The following ATP8A2 variants were observed in gnomAD, a reference collection of about 807,000 sequenced individuals.
ATP8A2 encodes the protein phospholipid-transporting ATPase IB.
In ATP8A2, 100 loss-of-function variants were observed where a neutral mutation model predicts 165.6. The observed-to-expected ratio is 0.60, with a 90% CI of 0.51 to 0.71. The LOEUF (loss-of-function observed/expected upper bound fraction) is 0.71. ATP8A2 is among the 30% of genes least tolerant of loss of function. The pLI, the probability that ATP8A2 is intolerant of heterozygous loss-of-function variation, is 0.00. For missense variants in ATP8A2, 1,227 were observed against 1,479.5 expected, an observed-to-expected ratio of 0.83 and a Z score of 2.80; for synonymous variants, 543 against 548.8, an observed-to-expected ratio of 0.99 and a Z score of 0.15.
intron 24 of ATP8A2, among the ~76,000 whole-genome samples, chr13:25,590,754 G>A (rs1565958753): frequency 6.6e-6 from 1 of 152,146 alleles, no homozygotes; most frequent in African/African-American, 2.4e-5. Context: ...TTAAAGGGAG[G>A]CAATAAAGTA....
At chr13:25,498,215 A>G (rs1401696267) in intron 2 of ATP8A2, among the ~76,000 whole-genome samples, 3 of 152,202 alleles carry the variant, frequency 2.0e-5, no homozygotes, top group African/African-American at 7.2e-5. Flanking sequence ...TGAATGGTGC[A>G]TATTTGTGAG....
intron 25 of ATP8A2, among the ~76,000 whole-genome samples, chr13:25,726,114 A>G (rs1486653594): frequency 3.3e-5 from 5 of 152,194 alleles, no homozygotes; most frequent in Admixed American, 1.3e-4. Flanking sequence ...GGTGTTTATT[A>G]TTTAAAGAAA....
At chr13:26,016,677 C>T (rs1264962777) in intron 36 of ATP8A2, among the ~76,000 whole-genome samples, 5 of 152,050 alleles carry the variant, frequency 3.3e-5, no homozygotes, top group Non-Finnish European at 7.4e-5. Context: ...AAAAGCAGGC[C>T]AAAAGAGGTA....
intron 35 of ATP8A2, among the ~76,000 whole-genome samples, chr13:25,996,098 T>C (rs995769695): frequency 1.3e-5 from 2 of 152,170 alleles, no homozygotes; most frequent in African/African-American, 4.8e-5. Flanking sequence ...GTTACTTAGG[T>C]TTTATTTTGA....
At chr13:25,554,844 G>A (rs112276186) in intron 12 of ATP8A2, 147 bp from the exon 13 acceptor site, 65,570 of 493,276 alleles carry the variant, frequency 0.13, 5,367 homozygotes, top group Non-Finnish European at 0.18. Flanking sequence ...ACAGGCATGA[G>A]CCACTGCGCC....
At chr13:25,531,280 GTT>G (rs1320472834) in intron 4 of ATP8A2, among the ~76,000 whole-genome samples, 95 of 36,142 alleles carry the variant, frequency 2.6e-3, no homozygotes, top group African/African-American at 5.9e-3. Context: ...TGATATATAT[GTT>G]ATATATGATA....
intron 1 of ATP8A2, among the ~76,000 whole-genome samples, chr13:25,428,371 T>C (rs17082276): frequency 0.024 from 3,619 of 152,298 alleles, 148 homozygotes; most frequent in African/African-American, 0.082. Flanking sequence ...TAACTTGTTC[T>C]TTCAGTAAAT....
intron 2 of ATP8A2, among the ~76,000 whole-genome samples, chr13:25,474,395 A>G (rs933374186): frequency 1.3e-5 from 2 of 152,042 alleles, no homozygotes; most frequent in Non-Finnish European, 2.9e-5. Flanking sequence ...CCCCGTCTCT[A>G]CTAAAAATAC....
intron 33 of ATP8A2, among the ~76,000 whole-genome samples, chr13:25,936,364 G>A (rs1954890001): frequency 6.6e-6 from 1 of 152,238 alleles, no homozygotes; most frequent in African/African-American, 2.4e-5. Flanking sequence ...ATGGGCCTGA[G>A]TGTCTGCGGA....
chr13:25,965,108 G>A (rs1442583799), intron 34 of ATP8A2, among the ~76,000 whole-genome samples: 2 of 152,132 alleles, frequency 1.3e-5, no homozygotes, highest in Non-Finnish European at 2.9e-5. Context: ...GCAGTGAGCC[G>A]AGATCGCACC....
At chr13:25,515,719 C>T (rs1009568112) in intron 2 of ATP8A2, among the ~76,000 whole-genome samples, 3 of 152,184 alleles carry the variant, frequency 2.0e-5, no homozygotes, top group Non-Finnish European at 4.4e-5. Flanking sequence ...TTCCATTTTA[C>T]AATTGTCAGT....
intron 24 of ATP8A2, among the ~76,000 whole-genome samples, chr13:25,671,308 A>G (rs1474362562): frequency 6.6e-6 from 1 of 152,154 alleles, no homozygotes; most frequent in Non-Finnish European, 1.5e-5. Context: ...TAACTGTACA[A>G]ATTGTACAGC....
intron 1 of ATP8A2, among the ~76,000 whole-genome samples, chr13:25,404,546 G>A (rs117898652): frequency 0.014 from 2,164 of 152,150 alleles, 44 homozygotes; most frequent in Non-Finnish European, 0.014. Context: ...GAACACCCAG[G>A]GGAGTGGCAG....
intron 25 of ATP8A2, among the ~76,000 whole-genome samples, chr13:25,710,226 G>A (rs1437195169): frequency 6.6e-6 from 1 of 152,066 alleles, no homozygotes; most frequent in Non-Finnish European, 1.5e-5. Flanking sequence ...CAGGGTAATT[G>A]GGGTGTTATC....
At chr13:25,858,469 G>A (rs1196197340) in intron 30 of ATP8A2, among the ~76,000 whole-genome samples, 3 of 152,170 alleles carry the variant, frequency 2.0e-5, no homozygotes, top group African/African-American at 4.8e-5. Context: ...TGCAGCCCGT[G>A]ATGTTGCTTT....
At chr13:25,404,863 G>A (rs1261485370) in intron 1 of ATP8A2, among the ~76,000 whole-genome samples, 1 of 152,104 alleles carries the variant, frequency 6.6e-6, no homozygotes, top group African/African-American at 2.4e-5. Context: ...AGTGATGGAA[G>A]AGTAGCCCTG....
chr13:25,977,035 A>ACCCCCCCCCCCC (rs1956061270), intron 35 of ATP8A2, among the ~76,000 whole-genome samples: 1 of 61,144 alleles, frequency 1.6e-5, no homozygotes, highest in East Asian at 6.3e-4. Context: ...ATCCACCCCC[A>ACCCCCCCCCCCC]CCCCCACCCC....
intron 1 of ATP8A2, among the ~76,000 whole-genome samples, chr13:25,395,129 C>T (rs1436216935): frequency 2.6e-5 from 4 of 152,126 alleles, no homozygotes; most frequent in African/African-American, 9.7e-5. Context: ...TTCTTCTCTT[C>T]ATTTGTCTTT....
intron 18 of ATP8A2, among the ~76,000 whole-genome samples, chr13:25,572,982 A>C (rs915612501): frequency 1.3e-5 from 2 of 152,184 alleles, no homozygotes; most frequent in African/African-American, 4.8e-5. Context: ...TGGAGTACAG[A>C]GATGAGATCA....
Sources: allele counts gnomAD v4.1 joint callset (sites outside exome capture counted in the v4.1 genomes callset), GRCh38; gene constraint gnomAD v4.1.1; transcripts MANE v1.5; gene names NCBI Gene and HGNC (gene_info 2026-07-23, HGNC 2026-07-21).